Variants in CDYL2 observed in about 807,000 individuals in gnomAD.
CDYL2 encodes chromodomain Y-like protein 2.
In CDYL2, 23 loss-of-function variants were observed where a neutral mutation model predicts 49.4. That is an observed-to-expected ratio of 0.47 (90% CI 0.34 to 0.66). CDYL2 has a LOEUF of 0.66. Ranked by LOEUF, CDYL2 falls within the 30% of genes least tolerant of loss-of-function variation. The pLI, the probability that CDYL2 is intolerant of heterozygous loss-of-function variation, is 0.01. For synonymous variants in CDYL2, 360 were observed against 268.8 expected, an observed-to-expected ratio of 1.34 and a Z score of -3.32; for missense variants, 678 against 656.4, an observed-to-expected ratio of 1.03 and a Z score of -0.36.
intron 4 of CDYL2, among the ~76,000 whole-genome samples, chr16:80,615,541 A>T (rs1372039411): frequency 6.6e-6 from 1 of 152,074 alleles, no homozygotes; most frequent in African/African-American, 2.4e-5. Context: ...GCCTGTCAAG[A>T]CAGCCTCCCT....
chr16:80,677,097 GA>G (rs1909780895), intron 2 of CDYL2, among the ~76,000 whole-genome samples: 2 of 150,542 alleles, frequency 1.3e-5, no homozygotes. Flanking sequence ...CAGCTCCCTG[GA>G]AAGCTGGGAC....
At chr16:80,608,762 G>A (rs1906457640) in intron 5 of CDYL2, among the ~76,000 whole-genome samples, 1 of 152,122 alleles carries the variant, frequency 6.6e-6, no homozygotes, top group Admixed American at 6.5e-5. Context: ...CTGTGGAGAG[G>A]TGGGGCTACA....
At chr16:80,748,073 A>C (rs1348399881) in intron 1 of CDYL2, among the ~76,000 whole-genome samples, 1 of 151,488 alleles carries the variant, frequency 6.6e-6, no homozygotes, top group East Asian at 1.9e-4. Flanking sequence ...AGAGAACACC[A>C]GTTCAGCCAT....
In CDYL2 at chr16:80,602,392, A is replaced by C. The variant is rs1404783455; in HGVS notation, c.*1996T>G. 1 of 152,158 alleles carries C rather than the reference A, an allele frequency of 6.6e-6. No individual in the cohort carries two copies. Among genetic ancestry groups the C allele is most frequent in the East Asian group, 1.9e-4 (1 of 5,172 alleles). The allele number at this position is 152,158 out of a possible 1,614,324, so 9.4% of individuals were successfully genotyped here. On this transcript the variant is annotated 3_prime_UTR_variant, in exon 7 of 7. Coordinates refer to ENST00000570137, the MANE Select transcript of CDYL2 (RefSeq NM_152342.4). ...CTTCCTGACCCTCATGAACTCTTAAAGGAGACACGCTTTCCAGGGAGGGAA... is the reference window on the plus strand; with the variant it reads ...CTTCCTGACCCTCATGAACTCTTAACGGAGACACGCTTTCCAGGGAGGGAA...
intron 1 of CDYL2, among the ~76,000 whole-genome samples, chr16:80,756,997 G>A (rs1271262231): frequency 6.6e-6 from 1 of 152,100 alleles, no homozygotes; most frequent in Non-Finnish European, 1.5e-5. Flanking sequence ...TACTTATGGT[G>A]ATGTAATAAT....
intron 1 of CDYL2, among the ~76,000 whole-genome samples, chr16:80,764,442 C>T (rs1179534162): frequency 6.6e-6 from 1 of 152,080 alleles, no homozygotes; most frequent in Non-Finnish European, 1.5e-5. Flanking sequence ...AGGACTGATG[C>T]TATTCCATTC....
At chr16:80,758,664 T>A (rs1228849556) in intron 1 of CDYL2, among the ~76,000 whole-genome samples, 11 of 149,738 alleles carry the variant, frequency 7.3e-5, no homozygotes, top group Non-Finnish European at 1.5e-4. Context: ...TGCCTCAGCC[T>A]CCCGAGTAGC....
chr16:80,641,572 A>T (rs758252731), intron 2 of CDYL2, among the ~76,000 whole-genome samples: 1 of 152,156 alleles, frequency 6.6e-6, no homozygotes, highest in Non-Finnish European at 1.5e-5. Context: ...CAGCCATAAA[A>T]AATGAAGAGT....
At chr16:80,750,275 A>G (rs1906085079) in intron 1 of CDYL2, among the ~76,000 whole-genome samples, 1 of 152,014 alleles carries the variant, frequency 6.6e-6, no homozygotes, top group African/African-American at 2.4e-5. Flanking sequence ...TGTAAAGCAC[A>G]AAGTACAAAA....
intron 5 of CDYL2, among the ~76,000 whole-genome samples, chr16:80,611,783 C>G (rs1906609270): frequency 6.6e-6 from 1 of 152,232 alleles, no homozygotes; most frequent in Non-Finnish European, 1.5e-5. Flanking sequence ...CAGCCCAGCC[C>G]AGCACACAGC....
At chr16:80,664,703 A>G (rs1350333177) in intron 2 of CDYL2, among the ~76,000 whole-genome samples, 3 of 152,194 alleles carry the variant, frequency 2.0e-5, no homozygotes, top group Non-Finnish European at 4.4e-5. Flanking sequence ...GAAGCAGAAA[A>G]GGAGAATTTA....
intron 1 of CDYL2, among the ~76,000 whole-genome samples, chr16:80,695,921 G>C (rs966943341): frequency 6.6e-6 from 1 of 152,146 alleles, no homozygotes; most frequent in African/African-American, 2.4e-5. Context: ...ATTTATAGAA[G>C]GTTTCAATCA....
At chr16:80,758,765 A>G (rs1415499428) in intron 1 of CDYL2, among the ~76,000 whole-genome samples, 1 of 151,582 alleles carries the variant, frequency 6.6e-6, no homozygotes, top group Non-Finnish European at 1.5e-5. Context: ...GATGGTTTCA[A>G]TCTCCTGACC....
At chr16:80,653,806 T>C (rs1908688217) in intron 2 of CDYL2, among the ~76,000 whole-genome samples, 1 of 152,208 alleles carries the variant, frequency 6.6e-6, no homozygotes, top group African/African-American at 2.4e-5. Context: ...GCAGGCAAGC[T>C]TGAGAACTTC....
intron 1 of CDYL2, among the ~76,000 whole-genome samples, chr16:80,798,180 A>G (rs146313208): frequency 1.2e-3 from 190 of 152,202 alleles, no homozygotes; most frequent in Admixed American, 2.4e-3. Flanking sequence ...AGCTGGAACT[A>G]CAAACACATA....
At chr16:80,781,788 T>A (rs991999854) in intron 1 of CDYL2, among the ~76,000 whole-genome samples, 1 of 152,084 alleles carries the variant, frequency 6.6e-6, no homozygotes, top group Non-Finnish European at 1.5e-5. Flanking sequence ...TGGCACTGTA[T>A]TAAAACAACC....
At chr16:80,741,982 C>G (rs973059928) in intron 1 of CDYL2, 4 of 152,188 alleles carry the variant, frequency 2.6e-5, no homozygotes, top group Admixed American at 2.0e-4. Flanking sequence ...TCAACATCAC[C>G]ACGTTATGGG....
At chr16:80,685,802 G>A (rs1052726046) in intron 1 of CDYL2, among the ~76,000 whole-genome samples, 17 of 152,108 alleles carry the variant, frequency 1.1e-4, no homozygotes, top group African/African-American at 4.1e-4. Flanking sequence ...GGCAGAACTG[G>A]GGTTTGAACC....
In CDYL2 at chr16:80,669,974, T is replaced by G. The variant is rs552428855; in HGVS notation, c.616+14564A>C. On this transcript the variant is annotated intron_variant, in intron 2 of 6. Transcript: ENST00000570137. The stretch of plus-strand genomic sequence containing the variant: ...GGCCACCTAATCTCACCCGTCTCCA[T>G]GCAGGAATCCCTCTGCCTAAGTCTG... Among the ~76,000 whole-genome samples, 179 of 152,340 alleles carry G rather than the reference T, an allele frequency of 1.2e-3. 1 individual carries two copies. The highest frequency in any genetic ancestry group is 3.4e-3 in the Admixed American group (52 of 15,312).
Sources: allele counts gnomAD v4.1 joint callset (sites outside exome capture counted in the v4.1 genomes callset), GRCh38; gene constraint gnomAD v4.1.1; transcripts MANE v1.5; gene names NCBI Gene and HGNC (gene_info 2026-07-23, HGNC 2026-07-21).